The following FAP variants were observed in gnomAD, a reference collection of about 807,000 sequenced individuals.
FAP encodes the protein fibroblast activation protein alpha, also known as prolyl endopeptidase FAP.
In FAP, 110 loss-of-function variants were observed where a neutral mutation model predicts 126.5. The observed-to-expected ratio is 0.87, with a 90% CI of 0.74 to 1.02. FAP has a LOEUF of 1.02. Ranked by LOEUF, FAP falls within the 50% of genes least tolerant of loss-of-function variation. The probability of loss-of-function intolerance (pLI) is 0.00; values close to 1 mark genes in which losing one functional copy is unlikely to be tolerated. For missense variants in FAP, 919 were observed against 909.2 expected, an observed-to-expected ratio of 1.01 and a Z score of -0.14; for synonymous variants, 334 against 297.3, an observed-to-expected ratio of 1.12 and a Z score of -1.27.
intron 20 of FAP, among the ~76,000 whole-genome samples, chr2:162,184,125 A>G (rs1380936457): frequency 2.0e-5 from 3 of 152,084 alleles, no homozygotes; most frequent in Admixed American, 6.6e-5. Context: ...GAAACCCTCA[A>G]AATTGAGGGT....
chr2:162,232,421 T>C (rs895337281), intron 2 of FAP, among the ~76,000 whole-genome samples: 2 of 152,182 alleles, frequency 1.3e-5, no homozygotes, highest in Admixed American at 6.5e-5. Context: ...ATAATTAAAG[T>C]ATAAGTGTAC....
intron 25 of FAP, chr2:162,172,019 T>C (rs1485881038): frequency 6.6e-6 from 1 of 152,142 alleles, no homozygotes; most frequent in Non-Finnish European, 1.5e-5. Flanking sequence ...TATTTTTTTC[T>C]GTCTTTTGTA....
At chr2:162,203,638 T>C (rs948251827) in intron 12 of FAP, among the ~76,000 whole-genome samples, 2 of 152,138 alleles carry the variant, frequency 1.3e-5, no homozygotes, top group Non-Finnish European at 2.9e-5. Context: ...CAGTTTTTAA[T>C]GGTGAGGAGG....
intron 10 of FAP, among the ~76,000 whole-genome samples, chr2:162,214,895 A>G (rs527451302): frequency 6.6e-6 from 1 of 152,264 alleles, no homozygotes; most frequent in Admixed American, 6.5e-5. Flanking sequence ...CTTAAGAACT[A>G]TGTCTGCTAC....
In FAP at chr2:162,213,996, A is replaced by G. The variant is rs372094400; in HGVS notation, c.944T>C (p.Val315Ala). ...CLQWLKRVQNVSVLSICDFRE... is the reference protein window; with the variant it reads ...CLQWLKRVQNASVLSICDFRE... ...GAAGTCACATATAGACAGGACCGAA[A>G]CATTCTGGACTCTTTTTAGCCACTG... Residue 315 changes from valine (V) to alanine (A), a missense_variant, in exon 11 of 26, where the codon GTT (valine) becomes GCT (alanine). Transcript: ENST00000188790. The G allele has an allele frequency of 3.7e-6, 6 of 1,614,092 alleles. No individual in the cohort carries two copies. The highest frequency in any genetic ancestry group is 4.2e-6 in the Non-Finnish European group (5 of 1,179,988).
intron 2 of FAP, 53 bp downstream of exon 2, chr2:162,242,855 T>G: frequency 1.5e-6 from 2 of 1,355,510 alleles, no homozygotes; most frequent in South Asian, 2.4e-5. Context: ...CTTGCATTAG[T>G]ACATTTTCCA....
intron 14 of FAP, among the ~76,000 whole-genome samples, chr2:162,201,591 A>C (rs182143612): frequency 6.6e-6 from 1 of 151,294 alleles, no homozygotes; most frequent in African/African-American, 2.4e-5. Flanking sequence ...TCCCTCTCTA[A>C]CCCTTGCAGC....
At chr2:162,229,380 T>G (rs1222197878) in intron 2 of FAP, among the ~76,000 whole-genome samples, 2 of 152,192 alleles carry the variant, frequency 1.3e-5, no homozygotes, top group Admixed American at 1.3e-4. Context: ...TGGGAATTTT[T>G]GCTTCTGAAT....
intron 9 of FAP, among the ~76,000 whole-genome samples, chr2:162,216,906 G>T (rs2106271668): frequency 6.6e-6 from 1 of 152,262 alleles, no homozygotes; most frequent in African/African-American, 2.4e-5. Context: ...ATGAGAATGT[G>T]GGTCCCAACT....
At chr2:162,173,002 C>T in intron 24 of FAP, 118 bp from the exon 25 acceptor site, 1 of 1,099,908 alleles carries the variant, frequency 9.1e-7, no homozygotes, top group Non-Finnish European at 1.4e-6. Flanking sequence ...ACATTGTCAG[C>T]AGTGAGTAAT....
intron 12 of FAP, among the ~76,000 whole-genome samples, chr2:162,209,135 T>C (rs902235326): frequency 6.6e-6 from 1 of 152,120 alleles, no homozygotes. Context: ...TGACTTTTTT[T>C]TGTCCTTGGA....
rs151314911 is a variant in FAP at position 162,173,786 on chromosome 2, C to T, written c.1971G>A (p.Ala657=). 1.2e-3 allele frequency: 1,977 copies of T among 1,590,284 alleles called. 20 individuals are homozygous for T. In the East Asian group the frequency reaches 0.018, roughly 14 times the overall value. ...VAPVSSWEYY[A]SVYTERFMGL... ...CCATGAATCTCTCTGTGTAGACAGA[C>T]GCTATAAAATATATGAGAATATGCA... The change falls in exon 23 of 26, where the codon GCG becomes GCA. Residue 657 remains alanine (A), a splice_region_variant and synonymous_variant. Transcript: ENST00000188790.
rs376503598 is a variant in FAP at position 162,198,758 on chromosome 2, G to A, written c.1401C>T (p.Tyr467=). The A allele has an allele frequency of 3.3e-5, 53 of 1,613,902 alleles. No individual in the cohort carries two copies. Among genetic ancestry groups the A allele is most frequent in the Middle Eastern group, 1.6e-4 (1 of 6,082 alleles). The change falls in exon 16 of 26, where the codon TAC becomes TAT. Residue 467 remains tyrosine (Y), a splice_region_variant and synonymous_variant. Transcript: ENST00000188790. ...GCTTATGTGAGGTCCGTTACCTACC[G>A]TAGCAGACAAGTGCATAGTACTTGG... ...DYAKYYALVC[Y]GPGIPISTLH...
intron 14 of FAP, among the ~76,000 whole-genome samples, chr2:162,201,710 A>C (rs576878363): frequency 6.6e-6 from 1 of 152,202 alleles, no homozygotes; most frequent in South Asian, 2.1e-4. Context: ...TCTTCCATTT[A>C]GAGAATGTGT....
intron 6 of FAP, among the ~76,000 whole-genome samples, chr2:162,220,932 C>T (rs984185447): frequency 2.0e-5 from 3 of 152,114 alleles, no homozygotes; most frequent in Non-Finnish European, 4.4e-5. Flanking sequence ...AGACTCCTGC[C>T]CAACCCCTCC....
At chr2:162,198,158 T>A (rs1688332438) in intron 16 of FAP, 5 of 1,282,580 alleles carry the variant, frequency 3.9e-6, no homozygotes, top group Non-Finnish European at 5.1e-6. Context: ...TATGGTTTGT[T>A]ATATTTGATG....
At chr2:162,223,222 C>T (rs1481422985) in intron 6 of FAP, among the ~76,000 whole-genome samples, 1 of 152,072 alleles carries the variant, frequency 6.6e-6, no homozygotes, top group Middle Eastern at 3.2e-3. Context: ...ACTAATGCTA[C>T]ATCTCTCTCC....
chr2:162,234,072 C>A (rs1358017298), intron 2 of FAP, among the ~76,000 whole-genome samples: 1 of 152,148 alleles, frequency 6.6e-6, no homozygotes, highest in African/African-American at 2.4e-5. Context: ...ATATATCTAT[C>A]CTTATGCCAG....
rs775116487 is a variant in FAP at position 162,194,712 on chromosome 2, C to A, written c.1439G>T (p.Arg480Leu). 1.9e-6 allele frequency: 3 copies of A among 1,613,376 alleles called. No individual in the cohort carries two copies. The highest frequency in any genetic ancestry group is 8.5e-7 in the Non-Finnish European group (1 of 1,179,524). Reference protein sequence around the residue: ...GIPISTLHDGRTDQEIKILEE... With the variant: ...GIPISTLHDGLTDQEIKILEE... Reference sequence around the variant, plus strand: ...GCAAGAGAGAGTACCTTGATCAGTGCGTCCATCATGAAGGGTGGAAATGGG... The same window carrying A: ...GCAAGAGAGAGTACCTTGATCAGTGAGTCCATCATGAAGGGTGGAAATGGG... Residue 480 changes from arginine (R) to leucine (L), a missense_variant, in exon 17 of 26, where the codon CGC becomes CTC. Transcript: ENST00000188790.
Sources: allele counts gnomAD v4.1 joint callset (sites outside exome capture counted in the v4.1 genomes callset), GRCh38; gene constraint gnomAD v4.1.1; transcripts MANE v1.5; gene names NCBI Gene and HGNC (gene_info 2026-07-23, HGNC 2026-07-21).